CLSTN3: variants seen among roughly 807,000 people sequenced by gnomAD.
CLSTN3 encodes calsyntenin-3.
A neutral mutation model predicts 95.9 loss-of-function variants in CLSTN3; 36 were observed. The ratio of observed to expected loss-of-function variants is 0.38; its 90% CI spans 0.29 to 0.50. The LOEUF is 0.50. Ranked by LOEUF, CLSTN3 falls within the 20% of genes least tolerant of loss-of-function variation. CLSTN3 has a pLI of 0.95. For synonymous variants in CLSTN3, 481 were observed against 504.0 expected (o/e 0.95, Z 0.61); for missense variants, 1,084 against 1,268.8 (o/e 0.85, Z 2.21).
At chr12:7,132,626 C>A in intron 1 of CLSTN3, 1 of 478,538 alleles carries the variant, frequency 2.1e-6, no homozygotes, top group Non-Finnish European at 3.7e-6. Context: ...CTTAATCTAT[C>A]CCTTCCCTTT....
chr12:7,130,885 T>TC (rs1939286630), intron 1 of CLSTN3, 173 bp downstream of exon 1: 2 of 653,232 alleles, frequency 3.1e-6, no homozygotes, highest in South Asian at 3.5e-5. Flanking sequence ...CTCTTTCTCT[T>TC]CCCCCAGCTA....
chr12:7,138,099 G>C, intron 8 of CLSTN3, 32 bp downstream of exon 8: 1 of 1,534,584 alleles, frequency 6.5e-7, no homozygotes, highest in South Asian at 1.1e-5. Flanking sequence ...TGGGAGGGCT[G>C]AGTAGATGTG....
At chr12:7,130,304 C>CCG, upstream of CLSTN3, 1 of 708,592 alleles carries the variant, frequency 1.4e-6, no homozygotes, top group South Asian at 2.8e-5. Context: ...AGCACCTGGT[C>CCG]CCCCCCCCTC....
rs185478190 is a variant in CLSTN3 at position 7,142,335 on chromosome 12, A to G, written c.1540+196A>G. On this transcript the variant is annotated intron_variant, in intron 10 of 17. Coordinates refer to ENST00000266546, the MANE Select transcript of CLSTN3 (RefSeq NM_014718.4). The stretch of plus-strand genomic sequence containing the variant: ...GAGGCAGCTTGGCTGGGTTCTGGGT[A>G]TCCTGTCCTGCCCACAGAATGAAGA... 3.9e-4 allele frequency among the ~76,000 whole-genome samples: 59 copies of G among 152,086 alleles called. No individual in the cohort carries two copies. In the East Asian group the frequency reaches 9.3e-3, roughly 24 times the overall value.
rs1939354309 is a variant in CLSTN3 at position 7,133,853 on chromosome 12, A to G, written c.383+85A>G. On this transcript the variant is annotated intron_variant, in intron 3 of 17. Coordinates refer to ENST00000266546, the MANE Select transcript of CLSTN3 (RefSeq NM_014718.4). This position sits in a 1 kb window ranked among gnomAD's most constrained non-coding sequence, Gnocchi z 4.7. ...CCCACCATCCTCTGTCCGTGCGGTC[A>G]TCGAATATCCACCCCCACCCGCTGC... 1.8e-6 allele frequency: 2 copies of G among 1,135,770 alleles called. No individual in the cohort carries two copies. Among genetic ancestry groups the G allele is most frequent in the Non-Finnish European group, 2.5e-6 (2 of 801,944 alleles). 70.4% of individuals were successfully genotyped at this position (1,135,770 alleles called of 1,614,324 possible).
At chr12:7,143,867 G>A (rs1939575852) in intron 12 of CLSTN3, among the ~76,000 whole-genome samples, 1 of 152,190 alleles carries the variant, frequency 6.6e-6, no homozygotes, top group Non-Finnish European at 1.5e-5. Flanking sequence ...CTTTCACTGT[G>A]ATGGCAGAAC....
In CLSTN3 at chr12:7,135,317, GCATATGC is replaced by G; in HGVS notation, c.384-9_384-3del. 1 of 1,613,580 alleles carries G rather than the reference GCATATGC, an allele frequency of 6.2e-7. No homozygotes were observed. The highest frequency in any genetic ancestry group is 8.5e-7 in the Non-Finnish European group (1 of 1,179,602). On this transcript the variant is annotated splice_polypyrimidine_tract_variant and splice_region_variant and intron_variant, in intron 3 of 17. Coordinates refer to ENST00000266546, the MANE Select transcript of CLSTN3 (RefSeq NM_014718.4). ...GTGTCTTCATCCCTCCTTCTCTCTG[GCATATGC>G]AGGGCCACTGTGCATGTGCGGGTCA...
Position 7,158,028 on chromosome 12 carries a change from T to G in CLSTN3, c.2818T>G (p.Ser940Ala). 1 of 1,549,822 alleles carries G rather than the reference T, an allele frequency of 6.5e-7. No individual in the cohort carries two copies. Among genetic ancestry groups the G allele is most frequent in the East Asian group, 2.4e-5 (1 of 40,860 alleles). ...CAGCAGTGACTCGGAGGTGGCCGAT[T>G]CCCCCAGCAGCGACGAGAGACGCAT... is the stretch of plus-strand genomic sequence containing the variant. The part of the protein sequence containing the change: ...EDSSDSEVAD[S>A]PSSDERRIIE... The change falls in exon 18 of 18, where the codon TCC (serine) becomes GCC (alanine). Residue 940 changes from serine to alanine, a missense_variant. Physicochemically the swap from Ser to Ala is moderately conservative, Grantham distance 99. Coordinates refer to ENST00000266546, the MANE Select transcript of CLSTN3 (RefSeq NM_014718.4).
At chr12:7,142,750 T>A in intron 10 of CLSTN3, 119 bp from the exon 11 acceptor site, 7 of 615,514 alleles carry the variant, frequency 1.1e-5, no homozygotes, top group Non-Finnish European at 1.8e-5. Context: ...TCCACATTTC[T>A]CCTTTTTTTC....
chr12:7,151,128 A>C (rs1259471242), intron 16 of CLSTN3, 65 bp downstream of exon 16: 1 of 1,458,548 alleles, frequency 6.9e-7, no homozygotes, highest in East Asian at 2.5e-5. Flanking sequence ...TGGGACAGGT[A>C]TCCTCCCCCT....
intron 3 of CLSTN3, 102 bp from the exon 4 acceptor site, chr12:7,135,225 T>C: frequency 9.3e-7 from 1 of 1,074,254 alleles, no homozygotes; most frequent in Non-Finnish European, 1.4e-6. Flanking sequence ...ATGTACCGTA[T>C]CGAGGCTGTA....
intron 9 of CLSTN3, 83 bp from the exon 10 acceptor site, chr12:7,142,003 A>G: frequency 8.9e-7 from 1 of 1,119,382 alleles, no homozygotes; most frequent in Non-Finnish European, 1.3e-6. Flanking sequence ...TGGGGATGAG[A>G]GGAAGACATC....
At chr12:7,155,093 A>G (rs535701866) in intron 16 of CLSTN3, among the ~76,000 whole-genome samples, 5 of 152,326 alleles carry the variant, frequency 3.3e-5, no homozygotes, top group African/African-American at 1.2e-4. Flanking sequence ...GGCCATGGAC[A>G]GGGCTTTCCA....
In CLSTN3 at chr12:7,137,227, G is replaced by A; in HGVS notation, c.1210+117G>A. On this transcript the variant is annotated intron_variant, in intron 7 of 17. Transcript: ENST00000266546. The surrounding 1 kb of genome is among the most constrained non-coding windows in gnomAD (Gnocchi z 4.4). ...CTTCCCCTCTCTTCATTTGTGAGGT[G>A]CAAGTGCCAGGTGTGATATGCCTTG... is the stretch of plus-strand genomic sequence containing the variant. 9.7e-7 allele frequency: 1 copy of A among 1,029,264 alleles called. No homozygotes were observed. The highest frequency in any genetic ancestry group is 2.6e-5 in the East Asian group (1 of 38,556). The allele number at this position is 1,029,264 out of a possible 1,614,324, so 63.8% of individuals were successfully genotyped here.
At chr12:7,147,766 C>T (rs1322028880) in intron 12 of CLSTN3, among the ~76,000 whole-genome samples, 1 of 152,128 alleles carries the variant, frequency 6.6e-6, no homozygotes, top group African/African-American at 2.4e-5. Flanking sequence ...CCTCCCGCCT[C>T]AGCCTCCCAA....
upstream of CLSTN3, chr12:7,129,773 T>C (rs1177661561): frequency 8.1e-6 from 8 of 985,530 alleles, no homozygotes; most frequent in Non-Finnish European, 9.6e-6. This position sits in a 1 kb window ranked among gnomAD's most constrained non-coding sequence, Gnocchi z 5.5. Flanking sequence ...TAAGGTGAAA[T>C]TCGGGGCGAA....
chr12:7,142,740 T>TTC, intron 10 of CLSTN3, 129 bp from the exon 11 acceptor site: 1 of 640,870 alleles, frequency 1.6e-6, no homozygotes, highest in South Asian at 2.1e-5. Flanking sequence ...TTTTTTGGTT[T>TTC]CCACATTTCT....
At chr12:7,143,074 C>G in intron 11 of CLSTN3, 48 bp downstream of exon 11, 1 of 1,597,910 alleles carries the variant, frequency 6.3e-7, no homozygotes, top group Non-Finnish European at 8.5e-7. Context: ...GCCCCTTGCC[C>G]CACCCCCTTG....
intron 3 of CLSTN3, among the ~76,000 whole-genome samples, chr12:7,134,164 A>G (rs995321886): frequency 2.1e-4 from 32 of 152,216 alleles, no homozygotes; most frequent in Admixed American, 1.8e-3. Context: ...GTACATGGGC[A>G]TAATGATGAG....
Sources: gnomAD v4.1 joint callset for allele counts (sites outside exome capture counted in the v4.1 genomes callset) on GRCh38, gnomAD v4.1.1 for gene constraint, Gnocchi (gnomAD v3.1) non-coding constraint, MANE v1.5 for transcripts, NCBI Gene and HGNC (gene_info 2026-07-23, HGNC 2026-07-21) for gene names.